ADAMTS18: variants seen among roughly 807,000 people sequenced by gnomAD.
The protein encoded by ADAMTS18 is ADAM metallopeptidase with thrombospondin type 1 motif 18.
ADAMTS18 carries 157 observed loss-of-function variants against 165.9 expected under a neutral mutation model. The observed-to-expected ratio is 0.95, with a 90% confidence interval of 0.83 to 1.08. ADAMTS18 has a LOEUF of 1.08. Among genes scored for constraint, ADAMTS18 ranks in the 50% least tolerant of loss-of-function variants. ADAMTS18 has a pLI of 0.00. For synonymous variants in ADAMTS18, 782 were observed against 578.2 expected (o/e 1.35, Z -5.06); for missense variants, 2,040 against 1,534.0 (o/e 1.33, Z -5.51).
At chr16:77,285,591 CTT>C (rs1351145012) in intron 22 of ADAMTS18, among the ~76,000 whole-genome samples, 3 of 151,690 alleles carry the variant, frequency 2.0e-5, no homozygotes, top group African/African-American at 7.3e-5. Context: ...CCTAAAATTC[CTT>C]TTTATACATC....
intron 3 of ADAMTS18, among the ~76,000 whole-genome samples, chr16:77,425,292 T>G (rs1178769050): frequency 1.3e-5 from 2 of 151,630 alleles, no homozygotes; most frequent in Admixed American, 6.6e-5. Flanking sequence ...GGAAACCGAG[T>G]GACAAAATTG....
intron 3 of ADAMTS18, among the ~76,000 whole-genome samples, chr16:77,383,958 C>G (rs916325261): frequency 6.6e-6 from 1 of 152,120 alleles, no homozygotes; most frequent in African/African-American, 2.4e-5. Context: ...TCTCAGTCAG[C>G]CTTTTTTCCC....
intron 20 of ADAMTS18, among the ~76,000 whole-genome samples, chr16:77,292,522 C>G (rs1193873626): frequency 6.6e-6 from 1 of 152,196 alleles, no homozygotes; most frequent in Non-Finnish European, 1.5e-5. Flanking sequence ...TAGAAAGTCT[C>G]TTCTGACAAG....
intron 22 of ADAMTS18, among the ~76,000 whole-genome samples, chr16:77,284,737 A>G (rs1032675968): frequency 1.3e-5 from 2 of 152,172 alleles, no homozygotes; most frequent in Non-Finnish European, 2.9e-5. Context: ...GAAATACCCT[A>G]AAATGGTGCT....
chr16:77,312,851 G>A (rs186491648), intron 16 of ADAMTS18, among the ~76,000 whole-genome samples: 5 of 152,130 alleles, frequency 3.3e-5, no homozygotes, highest in Non-Finnish European at 7.4e-5. Context: ...TGGTGGGACT[G>A]TAAACTAGTT....
At chr16:77,421,699 C>A (rs2057605044) in intron 3 of ADAMTS18, among the ~76,000 whole-genome samples, 1 of 152,190 alleles carries the variant, frequency 6.6e-6, no homozygotes, top group South Asian at 2.1e-4. Context: ...CCATATCTGG[C>A]TATAGCTGAT....
At chr16:77,288,270 T>C (rs1046380580) in intron 22 of ADAMTS18, among the ~76,000 whole-genome samples, 2 of 152,098 alleles carry the variant, frequency 1.3e-5, no homozygotes, top group Non-Finnish European at 2.9e-5. Flanking sequence ...AATCTTTCTT[T>C]GGTAATTAAG....
At chr16:77,361,832 C>CTA (rs2056718946) in intron 7 of ADAMTS18, among the ~76,000 whole-genome samples, 1 of 151,862 alleles carries the variant, frequency 6.6e-6, no homozygotes, top group African/African-American at 2.4e-5. Flanking sequence ...TGTAGTGAAC[C>CTA]GAGATTGTGC....
In ADAMTS18 at chr16:77,283,781, G is replaced by T. The variant is rs371053753; in HGVS notation, c.*175C>A. 1.6e-4 allele frequency: 100 copies of T among 608,972 alleles called. 1 individual carries two copies. In the South Asian group the frequency reaches 1.6e-3, roughly 10 times the overall value. The allele number at this position is 608,972 out of a possible 1,614,324, so 37.7% of individuals were successfully genotyped here. On this transcript the variant is annotated 3_prime_UTR_variant, in exon 23 of 23. Coordinates refer to ENST00000282849, the MANE Select transcript of ADAMTS18 (RefSeq NM_199355.4). ...GCTTCAGAGTACCACGTGCTTCAGG[G>T]AATTGAGCTAGAAGCCTACTGGCAA... is the stretch of plus-strand genomic sequence containing the variant.
chr16:77,283,650 C>A lies in ADAMTS18; in HGVS notation c.*306G>T. The A allele has an allele frequency of 1.2e-5, 4 of 340,784 alleles. No homozygotes were observed. Among genetic ancestry groups the A allele is most frequent in the Non-Finnish European group, 5.6e-6 (1 of 179,430 alleles). The allele number at this position is 340,784 out of a possible 1,614,324, so 21.1% of individuals were successfully genotyped here. A position where few individuals can be genotyped will look rare whatever the true frequency, so the allele number is the denominator to read the frequency against. ...CTTTGAAGTTCAAAAGGGGGTCTCT[C>A]CCCAAATCGACGTATCTCAGTGTGA... is the stretch of plus-strand genomic sequence containing the variant. On this transcript the variant is annotated 3_prime_UTR_variant, in exon 23 of 23. Transcript: ENST00000282849.
At chr16:77,368,205 T>G (rs1318762191) in intron 3 of ADAMTS18, among the ~76,000 whole-genome samples, 1 of 152,098 alleles carries the variant, frequency 6.6e-6, no homozygotes, top group African/African-American at 2.4e-5. Flanking sequence ...GAAGCTAAGA[T>G]AGTAAGTAGG....
chr16:77,403,360 G>C (rs796218882), intron 3 of ADAMTS18, among the ~76,000 whole-genome samples: 6 of 144,608 alleles, frequency 4.1e-5, no homozygotes, highest in African/African-American at 1.5e-4. Context: ...GCAGTATGAA[G>C]AGTAAGCAAC....
At chr16:77,383,883 G>A (rs1254156188) in intron 3 of ADAMTS18, among the ~76,000 whole-genome samples, 2 of 152,016 alleles carry the variant, frequency 1.3e-5, no homozygotes, top group African/African-American at 2.4e-5. Flanking sequence ...TGTTTCAATA[G>A]GATGCTTCAA....
chr16:77,397,586 G>A (rs1313569287), intron 3 of ADAMTS18, among the ~76,000 whole-genome samples: 1 of 152,180 alleles, frequency 6.6e-6, no homozygotes, highest in Non-Finnish European at 1.5e-5. Context: ...CAAGAACTGA[G>A]TAAAACTGCC....
At chr16:77,353,681 A>G (rs953493872) in intron 10 of ADAMTS18, 52 bp downstream of exon 10, 1 of 1,613,196 alleles carries the variant, frequency 6.2e-7, no homozygotes, top group Non-Finnish European at 8.5e-7. Flanking sequence ...TGTTAGGGAC[A>G]CAGACACATT....
intron 3 of ADAMTS18, among the ~76,000 whole-genome samples, chr16:77,411,568 T>C (rs566510883): frequency 1.3e-5 from 2 of 152,080 alleles, no homozygotes; most frequent in African/African-American, 2.4e-5. Context: ...GAAAACACAA[T>C]TGGAGTGTGT....
chr16:77,291,465 C>A lies in ADAMTS18; in HGVS notation c.3203G>T (p.Cys1068Phe). 1 of 1,614,186 alleles carries A rather than the reference C, an allele frequency of 6.2e-7. No individual in the cohort carries two copies. Among genetic ancestry groups the A allele is most frequent in the South Asian group, 1.1e-5 (1 of 91,088 alleles). The change falls in exon 21 of 23, where the codon TGT becomes TTT. Residue 1068 changes from cysteine (C) to phenylalanine (F), a missense_variant. Transcript: ENST00000282849. ...CTCCCTCTTCCTCACACCCAAACCA[C>A]AGGTTGCAGAACACTAGGAGCCAAG... ...ASSWSECSAT[C>F]GLGVRKREMK...
At chr16:77,348,600 C>T (rs1027589221) in intron 10 of ADAMTS18, among the ~76,000 whole-genome samples, 1 of 152,206 alleles carries the variant, frequency 6.6e-6, no homozygotes, top group Non-Finnish European at 1.5e-5. Context: ...GAGGGGACAT[C>T]TTCCACTTTA....
At chr16:77,399,071 G>A (rs1399979609) in intron 3 of ADAMTS18, among the ~76,000 whole-genome samples, 4 of 152,206 alleles carry the variant, frequency 2.6e-5, no homozygotes, top group African/African-American at 7.2e-5. Flanking sequence ...TCCTTTGTGG[G>A]AAATGCCTCC....
Sources: allele counts gnomAD v4.1 joint callset (sites outside exome capture counted in the v4.1 genomes callset), GRCh38; gene constraint gnomAD v4.1.1; transcripts MANE v1.5; gene names NCBI Gene and HGNC (gene_info 2026-07-23, HGNC 2026-07-21).